Variants in AGBL4 observed in about 807,000 individuals in gnomAD.
AGBL4 encodes the protein AGBL carboxypeptidase 4.
A neutral mutation model predicts 66.4 loss-of-function variants in AGBL4; 58 were observed. The observed-to-expected ratio is 0.87, with a 90% CI of 0.71 to 1.09. The LOEUF (loss-of-function observed/expected upper bound fraction) is 1.09, where lower values mean the gene tolerates loss of function less well. Among genes scored for constraint, AGBL4 ranks in the 50% least tolerant of loss-of-function variants. The probability of loss-of-function intolerance (pLI) is 0.00; values close to 1 mark genes in which losing one functional copy is unlikely to be tolerated. For missense variants in AGBL4, 579 were observed against 631.0 expected, an observed-to-expected ratio of 0.92 and a Z score of 0.88; for synonymous variants, 234 against 222.9, an observed-to-expected ratio of 1.05 and a Z score of -0.44.
chr1:48,931,400 A>T (rs1557473507), intron 5 of AGBL4, among the ~76,000 whole-genome samples: 1 of 152,168 alleles, frequency 6.6e-6, no homozygotes, highest in East Asian at 1.9e-4. Flanking sequence ...CTCTCACTTC[A>T]TTCAGGTCTC....
chr1:49,325,805 G>A (rs1376995427), intron 3 of AGBL4, among the ~76,000 whole-genome samples: 1 of 152,148 alleles, frequency 6.6e-6, no homozygotes, highest in Non-Finnish European at 1.5e-5. Context: ...CCATCGTCTT[G>A]GTGCTATCTA....
intron 4 of AGBL4, among the ~76,000 whole-genome samples, chr1:49,177,406 C>T (rs939518082): frequency 1.3e-5 from 2 of 152,096 alleles, no homozygotes; most frequent in African/African-American, 4.8e-5. Flanking sequence ...CCCCAAGGAA[C>T]AATATGTGAT....
At chr1:49,512,235 C>A (rs997879848) in intron 3 of AGBL4, among the ~76,000 whole-genome samples, 2 of 151,874 alleles carry the variant, frequency 1.3e-5, no homozygotes, top group Non-Finnish European at 2.9e-5. Flanking sequence ...GTGGAAAGAG[C>A]CTGAGATTCA....
intron 3 of AGBL4, among the ~76,000 whole-genome samples, chr1:49,664,788 T>C (rs1356633948): frequency 6.6e-6 from 1 of 152,126 alleles, no homozygotes; most frequent in Non-Finnish European, 1.5e-5. Context: ...ATTAACAAGA[T>C]TCTCACTGTA....
intron 6 of AGBL4, among the ~76,000 whole-genome samples, chr1:48,739,889 A>C (rs910636915): frequency 1.3e-5 from 2 of 152,206 alleles, no homozygotes; most frequent in Non-Finnish European, 2.9e-5. Context: ...CTGCAGAGCT[A>C]AGTTCTATCC....
chr1:49,096,969 A>T (rs1329219813), intron 4 of AGBL4, among the ~76,000 whole-genome samples: 1 of 152,166 alleles, frequency 6.6e-6, no homozygotes, highest in African/African-American at 2.4e-5. Flanking sequence ...GTAGCTGGAA[A>T]TGAAAAGAAA....
chr1:49,707,138 G>A (rs1284424796), intron 2 of AGBL4, among the ~76,000 whole-genome samples: 1 of 152,086 alleles, frequency 6.6e-6, no homozygotes, highest in African/African-American at 2.4e-5. Flanking sequence ...AATATTGACA[G>A]TGGGGTGTTA....
At chr1:49,304,181 T>A (rs1234373451) in intron 3 of AGBL4, among the ~76,000 whole-genome samples, 1 of 152,198 alleles carries the variant, frequency 6.6e-6, no homozygotes, top group African/African-American at 2.4e-5. Context: ...GAGTCCAGTT[T>A]CAATTTTCTG....
At position 49,637,458 on chromosome 1, in the gene AGBL4, G is replaced by A. The variant is rs569874284; in HGVS notation, c.282+59855C>T. On this transcript the variant is annotated intron_variant, in intron 3 of 13. Coordinates refer to ENST00000371839, the MANE Select transcript of AGBL4 (RefSeq NM_032785.4). ...TGGGATTACAGGAGCCTGCCACCAC[G>A]CCCAGCTAATTTTTTTGTATTTTTA... Among the ~76,000 whole-genome samples, 14 of 151,668 alleles carry A rather than the reference G, an allele frequency of 9.2e-5. 1 individual carries two copies. The highest frequency in any genetic ancestry group is 6.3e-4 in the South Asian group (3 of 4,792).
chr1:49,264,132 T>C (rs1347836972), intron 3 of AGBL4, among the ~76,000 whole-genome samples: 8 of 152,202 alleles, frequency 5.3e-5, no homozygotes, highest in Admixed American at 1.3e-4. Context: ...TGGTAACTTC[T>C]GATAGAAAGA....
intron 3 of AGBL4, among the ~76,000 whole-genome samples, chr1:49,260,062 G>A (rs1388537975): frequency 2.0e-5 from 3 of 150,432 alleles, no homozygotes; most frequent in Admixed American, 1.3e-4. Context: ...TGACTACTGG[G>A]TACATAACAA....
In AGBL4 at chr1:48,688,666, A is replaced by G. The variant is rs530891540; in HGVS notation, c.635-25425T>C. On this transcript the variant is annotated intron_variant, in intron 6 of 13. Coordinates refer to ENST00000371839, the MANE Select transcript of AGBL4 (RefSeq NM_032785.4). The stretch of plus-strand genomic sequence containing the variant: ...TGAGCCACTGCTAGCATCTTCACAG[A>G]AGATGACACAAAGAGCATTCCTGAG... Among the ~76,000 whole-genome samples the G allele has an allele frequency of 7.9e-5, 12 of 152,266 alleles. No homozygotes were observed. In the East Asian group the frequency reaches 2.3e-3, roughly 29 times the overall value.
chr1:48,934,854 A>C (rs1655322168), intron 5 of AGBL4, among the ~76,000 whole-genome samples: 3 of 152,280 alleles, frequency 2.0e-5, no homozygotes, highest in Middle Eastern at 6.8e-3. Context: ...CAAGTCTTTT[A>C]AGATCCTCTG....
chr1:49,540,509 C>T (rs1388544883), intron 3 of AGBL4, among the ~76,000 whole-genome samples: 1 of 152,158 alleles, frequency 6.6e-6, no homozygotes, highest in African/African-American at 2.4e-5. Context: ...ACTTATTATT[C>T]ATCTCTAAAT....
intron 3 of AGBL4, among the ~76,000 whole-genome samples, chr1:49,644,373 CA>C (rs1645843197): frequency 6.6e-6 from 1 of 151,434 alleles, no homozygotes; most frequent in Admixed American, 6.6e-5. Context: ...AAACTGGGTT[CA>C]AAAGTAAGAT....
At chr1:49,059,311 G>T (rs530374028) in intron 4 of AGBL4, among the ~76,000 whole-genome samples, 4 of 152,360 alleles carry the variant, frequency 2.6e-5, no homozygotes, top group Admixed American at 1.3e-4. Context: ...TTCAGAGGGC[G>T]CAAGCTCCAA....
intron 9 of AGBL4, among the ~76,000 whole-genome samples, chr1:48,613,369 G>C (rs916652696): frequency 3.3e-5 from 5 of 152,006 alleles, no homozygotes; most frequent in African/African-American, 1.2e-4. Context: ...CAGAAACTGG[G>C]GTCCAACGAG....
chr1:49,401,749 G>A lies in AGBL4; in HGVS notation c.283-155885C>T, dbSNP rs181221480. ...CTATTTTTCAGAACAGATTGAGTAG[G>A]ATTGGTATTGGTTCTGCTTTAAATG... On this transcript the variant is annotated intron_variant, in intron 3 of 13. Transcript: ENST00000371839. Among the ~76,000 whole-genome samples the A allele has an allele frequency of 1.7e-3, 257 of 152,218 alleles. 1 individual carries two copies. The highest frequency in any genetic ancestry group is 5.7e-3 in the African/African-American group (235 of 41,546).
At chr1:49,246,691 A>G (rs748452146) in intron 3 of AGBL4, among the ~76,000 whole-genome samples, 1 of 151,876 alleles carries the variant, frequency 6.6e-6, no homozygotes, top group Non-Finnish European at 1.5e-5. Flanking sequence ...GAGGGGAGGG[A>G]AGATTGTGAA....
Sources: gnomAD v4.1 joint callset for allele counts (sites outside exome capture counted in the v4.1 genomes callset) on GRCh38, gnomAD v4.1.1 for gene constraint, MANE v1.5 for transcripts, NCBI Gene and HGNC (gene_info 2026-07-23, HGNC 2026-07-21) for gene names.